Variants in KAZN observed in about 807,000 individuals in gnomAD.
The protein encoded by KAZN is kazrin.
In KAZN, 40 loss-of-function variants were observed where a neutral mutation model predicts 87.4. The observed-to-expected ratio is 0.46, with a 90% CI of 0.36 to 0.60. The LOEUF (loss-of-function observed/expected upper bound fraction) is 0.60, where lower values mean the gene tolerates loss of function less well. Ranked by LOEUF, KAZN falls within the 20% of genes least tolerant of loss-of-function variation. The pLI is 0.00. For missense variants in KAZN, 898 were observed against 1,073.9 expected (o/e 0.84, Z 2.29); for synonymous variants, 466 against 458.3 (o/e 1.02, Z -0.22).
intron 1 of KAZN, among the ~76,000 whole-genome samples, chr1:14,922,650 G>A (rs1439994117): frequency 6.6e-6 from 1 of 151,976 alleles, no homozygotes; most frequent in Non-Finnish European, 1.5e-5. Flanking sequence ...AAATTAGCCG[G>A]GCATGGTGGC....
intron 2 of KAZN, among the ~76,000 whole-genome samples, chr1:14,287,748 G>T (rs1432191749): frequency 6.6e-6 from 1 of 152,196 alleles, no homozygotes; most frequent in Non-Finnish European, 1.5e-5. Context: ...GGGCATCTCT[G>T]ACTTGTGCCA....
In KAZN at chr1:14,050,588, C is replaced by T. The variant is rs377479611; in HGVS notation, c.92-129847C>T. 4.6e-5 allele frequency among the ~76,000 whole-genome samples: 7 copies of T among 152,288 alleles called. No individual in the cohort carries two copies. In the East Asian group the frequency reaches 1.4e-3, roughly 29 times the overall value. The stretch of plus-strand genomic sequence containing the variant: ...AATTCACTCACTCTCGTGAGAACAG[C>T]ATGGAGGAAACTGCCCACATCATCC... On this transcript the variant is annotated intron_variant, in intron 1 of 16. Coordinates refer to the KAZN transcript ENST00000636203.
At chr1:13,993,756 G>C (rs1639387445) in intron 1 of KAZN, among the ~76,000 whole-genome samples, 1 of 152,184 alleles carries the variant, frequency 6.6e-6, no homozygotes. Flanking sequence ...ATTAGATGGG[G>C]TAAAGTGATG....
intron 1 of KAZN, among the ~76,000 whole-genome samples, chr1:14,638,002 G>A (rs1013048958): frequency 9.2e-5 from 14 of 152,120 alleles, no homozygotes; most frequent in African/African-American, 2.2e-4. Context: ...ATTCCTTGGC[G>A]TCCTTGGCTC....
chr1:14,729,835 G>C (rs988551756), intron 1 of KAZN, among the ~76,000 whole-genome samples: 3 of 152,002 alleles, frequency 2.0e-5, no homozygotes, highest in African/African-American at 7.3e-5. Context: ...TTGTTTGTTT[G>C]TTTACATTTT....
chr1:14,993,839 G>C (rs566765275), intron 2 of KAZN, among the ~76,000 whole-genome samples: 6 of 152,222 alleles, frequency 3.9e-5, no homozygotes, highest in African/African-American at 1.4e-4. Flanking sequence ...ACTTTGAGCC[G>C]TAATGACCCG....
chr1:14,836,645 C>T (rs1348299190), intron 1 of KAZN, among the ~76,000 whole-genome samples: 1 of 152,098 alleles, frequency 6.6e-6, no homozygotes, highest in African/African-American at 2.4e-5. Context: ...TCAGGTGAAA[C>T]CTCAGGCTCC....
At chr1:14,004,880 G>A (rs1639970175) in intron 1 of KAZN, among the ~76,000 whole-genome samples, 1 of 152,064 alleles carries the variant, frequency 6.6e-6, no homozygotes, top group African/African-American at 2.4e-5. Context: ...TGGGGAACTG[G>A]TGGCTTTATA....
At chr1:15,087,402 T>C (rs1385849368) in intron 8 of KAZN, among the ~76,000 whole-genome samples, 3 of 151,826 alleles carry the variant, frequency 2.0e-5, no homozygotes, top group Non-Finnish European at 4.4e-5. Context: ...CTTTTTTCTT[T>C]TTTTTTTTTT....
At chr1:14,343,112 C>T (rs1425784066) in intron 2 of KAZN, among the ~76,000 whole-genome samples, 1 of 152,184 alleles carries the variant, frequency 6.6e-6, no homozygotes, top group Non-Finnish European at 1.5e-5. Context: ...CGCCATTGCA[C>T]TCCAGCCTGG....
rs960865584 is a variant in KAZN, at chr1:15,053,942, G to A, written c.727-2149G>A. On this transcript the variant is annotated intron_variant, in intron 4 of 14. Coordinates refer to ENST00000376030, the MANE Select transcript of KAZN (RefSeq NM_201628.3). ...GATTTCACAGACTTCTAGGATGTCC[G>A]AGCTGGAAGGAGCCCTGAAGATCAC... Among the ~76,000 whole-genome samples, 15 of 152,200 alleles carry A rather than the reference G, an allele frequency of 9.9e-5. 1 individual carries two copies. Among genetic ancestry groups the A allele is most frequent in the Admixed American group, 7.2e-4 (11 of 15,276 alleles).
intron 1 of KAZN, among the ~76,000 whole-genome samples, chr1:14,946,643 T>C (rs1218745891): frequency 6.6e-6 from 1 of 152,210 alleles, no homozygotes; most frequent in East Asian, 1.9e-4. Flanking sequence ...ACCACCCTTG[T>C]GTGATGGCGA....
chr1:14,346,776 T>A (rs2794612), intron 2 of KAZN, among the ~76,000 whole-genome samples: 5 of 152,066 alleles, frequency 3.3e-5, no homozygotes, highest in African/African-American at 1.2e-4. Flanking sequence ...GATTTACCTG[T>A]GAGGTGTCTA....
intron 1 of KAZN, among the ~76,000 whole-genome samples, chr1:14,730,685 G>A (rs1321172468): frequency 3.3e-5 from 5 of 152,098 alleles, no homozygotes; most frequent in Non-Finnish European, 7.4e-5. Context: ...CTTTATCCTT[G>A]GAGCAAGCAA....
Position 13,971,078 on chromosome 1 carries a change from G to A in KAZN, c.91+77322G>A, listed in dbSNP as rs142399699. On this transcript the variant is annotated intron_variant, in intron 1 of 16. Transcript: ENST00000636203. ...CAGCAGGGAGGTTCTTCTGCTCTGT[G>A]CTAGACATGTCTGGGAGTTGGCTGG... Among the ~76,000 whole-genome samples, 322 of 152,264 alleles carry A rather than the reference G, an allele frequency of 2.1e-3. 2 individuals carry two copies. The highest frequency in any genetic ancestry group is 0.014 in the Middle Eastern group (4 of 294).
chr1:14,870,485 G>A (rs372432150), intron 1 of KAZN, among the ~76,000 whole-genome samples: 5 of 152,110 alleles, frequency 3.3e-5, no homozygotes, highest in African/African-American at 1.2e-4. Context: ...GGGATTACAG[G>A]CATGCACTAC....
At chr1:14,008,726 G>A (rs770764974) in intron 1 of KAZN, among the ~76,000 whole-genome samples, 8 of 152,152 alleles carry the variant, frequency 5.3e-5, no homozygotes, top group Non-Finnish European at 1.0e-4. Flanking sequence ...TACCGATATA[G>A]CCAGGTGCTA....
At chr1:13,989,456 T>C (rs1261606980) in intron 1 of KAZN, among the ~76,000 whole-genome samples, 1 of 152,130 alleles carries the variant, frequency 6.6e-6, no homozygotes, top group African/African-American at 2.4e-5. Flanking sequence ...ATAAATGCTG[T>C]GCTACAGATA....
At chr1:14,269,533 T>TG (rs779996229) in intron 2 of KAZN, among the ~76,000 whole-genome samples, 3 of 151,884 alleles carry the variant, frequency 2.0e-5, no homozygotes, top group Admixed American at 6.6e-5. Flanking sequence ...AAGATTAGGC[T>TG]GGGAAAAAAG....
Sources: gnomAD v4.1 joint callset for allele counts (sites outside exome capture counted in the v4.1 genomes callset) on GRCh38, gnomAD v4.1.1 for gene constraint, MANE v1.5 for transcripts, NCBI Gene and HGNC (gene_info 2026-07-23, HGNC 2026-07-21) for gene names.